The following SLC35E2B variants were observed in gnomAD, a reference collection of about 807,000 sequenced individuals.
The protein encoded by SLC35E2B is solute carrier family 35 member E2B.
A neutral mutation model predicts 32.4 loss-of-function variants in SLC35E2B; 18 were observed. The observed-to-expected ratio is 0.56, with a 90% confidence interval of 0.38 to 0.82. The LOEUF is 0.82. Among genes scored for constraint, SLC35E2B ranks in the 40% least tolerant of loss-of-function variants. The pLI is 0.00. For missense variants in SLC35E2B, 263 were observed against 469.5 expected, an observed-to-expected ratio of 0.56 and a Z score of 4.06; for synonymous variants, 132 against 209.1, an observed-to-expected ratio of 0.63 and a Z score of 3.18.
chr1:1,673,742 C>T (rs1228129224), intron 5 of SLC35E2B, among the ~76,000 whole-genome samples: 2 of 151,612 alleles, frequency 1.3e-5, no homozygotes, highest in Non-Finnish European at 2.9e-5. Context: ...GCGTGCGGAT[C>T]AACGAGGTCA....
intron 5 of SLC35E2B, 46 bp from the exon 6 acceptor site, chr1:1,671,675 C>A: frequency 6.9e-7 from 1 of 1,454,838 alleles, no homozygotes; most frequent in Admixed American, 2.6e-5. Context: ...GCCGGGCGGA[C>A]GCTCCCTCCC....
At chr1:1,669,396 A>T (rs944255796) in intron 8 of SLC35E2B, among the ~76,000 whole-genome samples, 2 of 152,184 alleles carry the variant, frequency 1.3e-5, no homozygotes, top group African/African-American at 4.8e-5. Flanking sequence ...AAAAAAAAGA[A>T]ATTAAGCTAA....
At chr1:1,683,141 T>A (rs547188134) in intron 2 of SLC35E2B, among the ~76,000 whole-genome samples, 1 of 152,148 alleles carries the variant, frequency 6.6e-6, no homozygotes, top group Admixed American at 6.5e-5. Context: ...ACAGTTTCTC[T>A]GCACTCCCAC....
chr1:1,677,976 G>C (rs901869175), intron 2 of SLC35E2B, among the ~76,000 whole-genome samples: 2 of 151,286 alleles, frequency 1.3e-5, no homozygotes, highest in African/African-American at 4.9e-5. Context: ...ACCTCCCCCA[G>C]GTCTCAATCC....
chr1:1,678,550 T>C (rs1643873287), intron 2 of SLC35E2B, among the ~76,000 whole-genome samples: 1 of 151,954 alleles, frequency 6.6e-6, no homozygotes, highest in Non-Finnish European at 1.5e-5. Context: ...AGGCCACCCA[T>C]GTGTGCCCTG....
At chr1:1,686,849 G>A (rs1643957501) in intron 2 of SLC35E2B, among the ~76,000 whole-genome samples, 1 of 152,074 alleles carries the variant, frequency 6.6e-6, no homozygotes, top group African/African-American at 2.4e-5. Context: ...GAGGTCAGGA[G>A]ATCGAGATCA....
intron 6 of SLC35E2B, 172 bp from the exon 7 acceptor site, chr1:1,670,323 T>C: frequency 1.8e-6 from 1 of 569,708 alleles, no homozygotes; most frequent in South Asian, 2.1e-5. Flanking sequence ...GGTTTCACCG[T>C]GTTGGCCAGG....
At chr1:1,668,195 A>G (rs1221120460) in intron 9 of SLC35E2B, 132 bp downstream of exon 9, 2 of 1,330,508 alleles carry the variant, frequency 1.5e-6, no homozygotes, top group African/African-American at 1.5e-5. Flanking sequence ...ATAGCCTAGT[A>G]ATTACACTGC....
intron 8 of SLC35E2B, among the ~76,000 whole-genome samples, chr1:1,668,776 T>C (rs1643610011): frequency 6.6e-6 from 1 of 152,062 alleles, no homozygotes; most frequent in African/African-American, 2.4e-5. Context: ...GAAACCCCAA[T>C]GCGGGGCCGG....
intron 2 of SLC35E2B, among the ~76,000 whole-genome samples, chr1:1,684,804 A>AAAC (rs1156267220): frequency 2.7e-5 from 4 of 147,858 alleles, no homozygotes; most frequent in East Asian, 4.0e-4. Context: ...AAAAAAAAAA[A>AAAC]AAAAAAAAAA....
At chr1:1,672,822 G>T (rs1643732920) in intron 5 of SLC35E2B, 1 of 152,716 alleles carries the variant, frequency 6.5e-6, no homozygotes, top group African/African-American at 2.4e-5. Flanking sequence ...GGCTGCCAGA[G>T]GCACCGGAAG....
chr1:1,671,905 A>C, intron 5 of SLC35E2B: 1 of 282,762 alleles, frequency 3.5e-6, no homozygotes, highest in Non-Finnish European at 6.7e-6. Flanking sequence ...AGCCACAGAA[A>C]CCTTCCTGAT....
At chr1:1,673,627 G>A (rs1375697384) in intron 5 of SLC35E2B, among the ~76,000 whole-genome samples, 7 of 151,894 alleles carry the variant, frequency 4.6e-5, no homozygotes, top group African/African-American at 9.7e-5. Flanking sequence ...CCAAGATTGC[G>A]CCACTGCACT....
intron 9 of SLC35E2B, among the ~76,000 whole-genome samples, chr1:1,666,309 C>T (rs1488582830): frequency 1.3e-5 from 2 of 152,154 alleles, no homozygotes; most frequent in East Asian, 1.9e-4. Flanking sequence ...GGGTACTTTT[C>T]ATTATTAAAA....
At position 1,665,726 on chromosome 1, in the gene SLC35E2B, C is replaced by T; in HGVS notation, c.*56G>A. On this transcript the variant is annotated 3_prime_UTR_variant, in exon 10 of 10. Transcript: ENST00000617444. Reference sequence around the variant, plus strand: ...GGGCCATGGAGGAGGGCGTCCCTGCCCATTTCTGGGGGATGCAGTGTCACG... The same window carrying T: ...GGGCCATGGAGGAGGGCGTCCCTGCTCATTTCTGGGGGATGCAGTGTCACG... The T allele has an allele frequency of 6.5e-6, 10 of 1,534,802 alleles. No individual in the cohort carries two copies. The highest frequency in any genetic ancestry group is 8.8e-6 in the Non-Finnish European group (10 of 1,135,942).
intron 2 of SLC35E2B, among the ~76,000 whole-genome samples, chr1:1,684,128 T>C (rs1308651922): frequency 6.6e-6 from 1 of 152,098 alleles, no homozygotes; most frequent in Non-Finnish European, 1.5e-5. Context: ...CGTGAGACGC[T>C]TGCCCCAGTG....
intron 2 of SLC35E2B, among the ~76,000 whole-genome samples, chr1:1,684,546 C>T (rs963279110): frequency 1.3e-5 from 2 of 152,164 alleles, no homozygotes; most frequent in Non-Finnish European, 2.9e-5. Context: ...CATCCCAGCA[C>T]TGTGGGAGGC....
intron 2 of SLC35E2B, among the ~76,000 whole-genome samples, chr1:1,683,838 C>A (rs1643920895): frequency 1.3e-5 from 2 of 152,122 alleles, no homozygotes; most frequent in Admixed American, 6.5e-5. Context: ...AGCTTCTGTG[C>A]CAGGAACCAG....
At position 1,675,539 on chromosome 1, in the gene SLC35E2B, C is replaced by T. The variant is rs780381876; in HGVS notation, c.510G>A (p.Ser170=). The change falls in exon 5 of 10, where the codon TCG becomes TCA. Residue 170 remains serine (S), a synonymous_variant. Transcript: ENST00000617444. ...CGGAGCTCTTCACCGTCTCAGCAAA[C>T]GAAACCGCCACATTTTTCAGGCTGA... is the stretch of plus-strand genomic sequence containing the variant. ...GLVSLKNVAV[S]FAETVKSSAP... is the part of the protein sequence containing the mutation. 1.0e-5 allele frequency: 16 copies of T among 1,568,028 alleles called. No individual in the cohort carries two copies. The highest frequency in any genetic ancestry group is 4.6e-5 in the East Asian group (2 of 43,940).
Sources: gnomAD v4.1 joint callset for allele counts (sites outside exome capture counted in the v4.1 genomes callset) on GRCh38, gnomAD v4.1.1 for gene constraint, MANE v1.5 for transcripts, NCBI Gene and HGNC (gene_info 2026-07-23, HGNC 2026-07-21) for gene names.